ABLIM1: variants seen among roughly 807,000 people sequenced by gnomAD.
The protein encoded by ABLIM1 is actin binding LIM protein 1.
A neutral mutation model predicts 107.0 loss-of-function variants in ABLIM1; 40 were observed. The ratio of observed to expected loss-of-function variants is 0.37; its 90% confidence interval spans 0.29 to 0.49. The LOEUF (loss-of-function observed/expected upper bound fraction) is 0.49, where lower values mean the gene tolerates loss of function less well. Among genes scored for constraint, ABLIM1 ranks in the 20% least tolerant of loss-of-function variants. ABLIM1 has a pLI of 0.97. For missense variants in ABLIM1, 857 were observed against 1,008.5 expected, an observed-to-expected ratio of 0.85 and a Z score of 2.04; for synonymous variants, 357 against 357.3, an observed-to-expected ratio of 1.00 and a Z score of 0.01.
intron 6 of ABLIM1, among the ~76,000 whole-genome samples, chr10:114,531,580 C>A (rs946390936): frequency 6.6e-6 from 1 of 152,168 alleles, no homozygotes; most frequent in Non-Finnish European, 1.5e-5. Context: ...TGCAGTGATG[C>A]GATCTCAGCT....
At chr10:114,751,488 T>C (rs2082509810) in intron 1 of ABLIM1, among the ~76,000 whole-genome samples, 1 of 151,928 alleles carries the variant, frequency 6.6e-6, no homozygotes, top group African/African-American at 2.4e-5. Flanking sequence ...ACAAGCACCA[T>C]TAAAAATGGC....
At chr10:114,734,135 T>C (rs141197650) in intron 1 of ABLIM1, among the ~76,000 whole-genome samples, 202 of 152,194 alleles carry the variant, frequency 1.3e-3, no homozygotes, top group African/African-American at 4.7e-3. Context: ...GCTGGGATTA[T>C]AGGCATGAAC....
chr10:114,789,585 A>G, the ABLIM1 span, among the ~76,000 whole-genome samples: 1 of 152,108 alleles, frequency 6.6e-6, no homozygotes, highest in Non-Finnish European at 1.5e-5. Context: ...CCTCATCAGC[A>G]TCTGTTATTT....
chr10:114,601,746 T>A, intron 2 of ABLIM1, 81 bp downstream of exon 2: 2 of 1,595,674 alleles, frequency 1.3e-6, no homozygotes, highest in Middle Eastern at 1.7e-4. Flanking sequence ...TGACCGGATG[T>A]GGAGTTAAGG....
At chr10:114,449,731 A>T (rs1412481918) in intron 14 of ABLIM1, among the ~76,000 whole-genome samples, 3 of 152,222 alleles carry the variant, frequency 2.0e-5, no homozygotes, top group Non-Finnish European at 2.9e-5. Flanking sequence ...AGTTCTCAGA[A>T]GTTCTGCATT....
At chr10:114,484,719 C>A (rs1214090798) in intron 8 of ABLIM1, among the ~76,000 whole-genome samples, 1 of 152,120 alleles carries the variant, frequency 6.6e-6, no homozygotes, top group African/African-American at 2.4e-5. Flanking sequence ...ACTCCCTACC[C>A]AAGCACTGCC....
At chr10:114,542,797 G>A (rs2066867236) in intron 6 of ABLIM1, among the ~76,000 whole-genome samples, 2 of 152,140 alleles carry the variant, frequency 1.3e-5, no homozygotes, top group Admixed American at 6.5e-5. Context: ...AGGGCCAGGA[G>A]GGGAGGCACC....
intron 6 of ABLIM1, among the ~76,000 whole-genome samples, chr10:114,528,499 AG>A (rs2065107311): frequency 6.6e-6 from 1 of 152,208 alleles, no homozygotes; most frequent in African/African-American, 2.4e-5. Context: ...TAATAATGAC[AG>A]GGGTCTCACT....
intron 1 of ABLIM1, among the ~76,000 whole-genome samples, chr10:114,609,604 A>G (rs963593250): frequency 1.3e-5 from 2 of 152,210 alleles, no homozygotes; most frequent in African/African-American, 4.8e-5. Flanking sequence ...TTGATTTCAA[A>G]TATCAAATAG....
intron 1 of ABLIM1, among the ~76,000 whole-genome samples, chr10:114,651,698 T>A (rs59696926): frequency 0.09 from 13,685 of 151,382 alleles, 928 homozygotes; most frequent in East Asian, 0.42. Flanking sequence ...AAAAAAAAAA[T>A]GCAAACTATC....
intron 2 of ABLIM1, among the ~76,000 whole-genome samples, chr10:114,585,132 G>T (rs1327131107): frequency 6.6e-6 from 1 of 152,108 alleles, no homozygotes; most frequent in Non-Finnish European, 1.5e-5. Flanking sequence ...GAAATGAATG[G>T]CTGGCTATTC....
intron 1 of ABLIM1, among the ~76,000 whole-genome samples, chr10:114,673,164 A>G (rs2080326676): frequency 6.6e-6 from 1 of 151,044 alleles, no homozygotes; most frequent in Admixed American, 6.6e-5. Flanking sequence ...AGGCTGAGGC[A>G]GGAGAATCAC....
intron 1 of ABLIM1, among the ~76,000 whole-genome samples, chr10:114,634,083 A>G (rs147731546): frequency 2.8e-5 from 4 of 141,958 alleles, no homozygotes; most frequent in Non-Finnish European, 6.1e-5. Flanking sequence ...AAACCCGATC[A>G]TATGTAAGTG....
chr10:114,521,036 A>C (rs1478709810), intron 6 of ABLIM1, among the ~76,000 whole-genome samples: 1 of 152,190 alleles, frequency 6.6e-6, no homozygotes, highest in Non-Finnish European at 1.5e-5. Flanking sequence ...TAGAGATGTC[A>C]CTGGATTATG....
chr10:114,663,126 T>A (rs866457741), upstream of ABLIM1, among the ~76,000 whole-genome samples: 3 of 152,300 alleles, frequency 2.0e-5, no homozygotes, highest in South Asian at 4.2e-4. Context: ...TTCCCCTGCT[T>A]CTTTTGCTTT....
intron 1 of ABLIM1, among the ~76,000 whole-genome samples, chr10:114,756,348 C>T (rs1003510104): frequency 1.3e-5 from 2 of 152,088 alleles, no homozygotes; most frequent in East Asian, 3.9e-4. Context: ...TCTGATAGGG[C>T]TAATCTCCCT....
chr10:114,488,032 G>A lies in ABLIM1; in HGVS notation c.983-16C>T, dbSNP rs1228070135. ...ACGGTGGAGCCTGAGAAGACAGAAT[G>A]CACTACTAAGAGCCAGGAAAATGGA... is the stretch of plus-strand genomic sequence containing the variant. On this transcript the variant is annotated splice_polypyrimidine_tract_variant and intron_variant, in intron 7 of 22. Transcript: ENST00000533213. The A allele has an allele frequency of 6.2e-7, 1 of 1,613,822 alleles. No individual in the cohort carries two copies. Among genetic ancestry groups the A allele is most frequent in the African/African-American group, 1.3e-5 (1 of 74,906 alleles).
intron 1 of ABLIM1, among the ~76,000 whole-genome samples, chr10:114,759,420 C>T (rs1407421892): frequency 6.6e-6 from 1 of 152,128 alleles, no homozygotes; most frequent in Non-Finnish European, 1.5e-5. Context: ...CCCAAAGGCA[C>T]TAAGCATTTC....
At chr10:114,527,399 TTTGTA>T (rs1328180852) in intron 6 of ABLIM1, among the ~76,000 whole-genome samples, 8 of 152,214 alleles carry the variant, frequency 5.3e-5, no homozygotes, top group African/African-American at 1.9e-4. Flanking sequence ...TTTGGTACAT[TTTGTA>T]TTGTGTGTTT....
Sources: allele counts gnomAD v4.1 joint callset (sites outside exome capture counted in the v4.1 genomes callset), GRCh38; gene constraint gnomAD v4.1.1; transcripts MANE v1.5; gene names NCBI Gene and HGNC (gene_info 2026-07-23, HGNC 2026-07-21).